The following CACNA1C variants were observed in gnomAD, a reference collection of about 807,000 sequenced individuals.
The protein encoded by CACNA1C is calcium voltage-gated channel subunit alpha1 C.
CACNA1C carries 30 observed loss-of-function variants against 229.0 expected under a neutral mutation model. The ratio of observed to expected loss-of-function variants is 0.13; its 90% CI spans 0.10 to 0.18. The LOEUF is 0.18. Among genes scored for constraint, CACNA1C ranks in the 10% least tolerant of loss-of-function variants. The pLI is 1.00. For synonymous variants in CACNA1C, 1,114 were observed against 1,132.5 expected (o/e 0.98, Z 0.33); for missense variants, 1,658 against 2,845.0 (o/e 0.58, Z 9.49).
At chr12:2,572,344 CCTCCTCCTCCT>C (rs2055269245) in intron 13 of CACNA1C, among the ~76,000 whole-genome samples, 1 of 143,482 alleles carries the variant, frequency 7.0e-6, no homozygotes, top group Non-Finnish European at 1.5e-5. Context: ...TCTTCTTCCT[CCTCCTCCTCCT>C]CTCCTCCTCC....
rs141805933 is a variant in CACNA1C at position 2,420,034 on chromosome 12, G to C, written c.478-28942G>C. ...AGCTTTTCGTAATGGGGTCACTTTG[G>C]CCATGGCCTCACCCCTCTGGATGTC... On this transcript the variant is annotated intron_variant, in intron 3 of 46. Coordinates refer to ENST00000399655, the MANE Select transcript of CACNA1C (RefSeq NM_000719.7). Among the ~76,000 whole-genome samples the C allele has an allele frequency of 2.6e-3, 394 of 151,836 alleles. 2 individuals are homozygous for C. The highest frequency in any genetic ancestry group is 9.1e-3 in the African/African-American group (375 of 41,290).
intron 3 of CACNA1C, among the ~76,000 whole-genome samples, chr12:2,362,601 C>T (rs912666024): frequency 1.3e-5 from 2 of 152,220 alleles, no homozygotes; most frequent in African/African-American, 4.8e-5. Context: ...CATAATCCTC[C>T]TGAAAGCAGA....
At chr12:2,564,898 G>A (rs1041498641) in intron 11 of CACNA1C, among the ~76,000 whole-genome samples, 2 of 152,088 alleles carry the variant, frequency 1.3e-5, no homozygotes, top group African/African-American at 2.4e-5. Context: ...AATCCAACCT[G>A]ATCATGTCCT....
At chr12:2,561,282 G>A (rs1600132291) in intron 11 of CACNA1C, among the ~76,000 whole-genome samples, 1 of 152,272 alleles carries the variant, frequency 6.6e-6, no homozygotes, top group East Asian at 1.9e-4. Context: ...TTTCCTCTGG[G>A]GACCCTTCTC....
rs2097811422 is a variant in CACNA1C, at chr12:2,369,823, T to C, written c.478-79153T>C. On this transcript the variant is annotated intron_variant, in intron 3 of 46. Transcript: ENST00000399655. ...GACTATTTAACTGCCTCCAGAATTA[T>C]GGAAGACTTTATAAACATGAAAGTA... Among the ~76,000 whole-genome samples the C allele has an allele frequency of 3.9e-5, 6 of 152,328 alleles. 1 individual carries two copies. The South Asian group carries it at 1.2e-3, about 32-fold the overall frequency.
intron 3 of CACNA1C, among the ~76,000 whole-genome samples, chr12:2,440,801 G>A (rs1489923929): frequency 3.3e-5 from 5 of 152,192 alleles, no homozygotes; most frequent in African/African-American, 4.8e-5. Context: ...AGTTTGGGAT[G>A]GGTGTCCTGG....
At chr12:2,207,880 T>A (rs2097796781) in intron 3 of CACNA1C, among the ~76,000 whole-genome samples, 1 of 152,192 alleles carries the variant, frequency 6.6e-6, no homozygotes, top group Admixed American at 6.5e-5. Flanking sequence ...ACAGAACATC[T>A]GACTTTCGGG....
chr12:2,333,032 G>A (rs1454705631), intron 3 of CACNA1C, among the ~76,000 whole-genome samples: 5 of 152,118 alleles, frequency 3.3e-5, no homozygotes, highest in African/African-American at 1.2e-4. Context: ...CGGCAGTGAC[G>A]AGCAGCCCCT....
chr12:2,682,757 C>T, intron 43 of CACNA1C, 79 bp downstream of exon 43: 1 of 1,454,816 alleles, frequency 6.9e-7, no homozygotes, highest in Non-Finnish European at 9.3e-7. Flanking sequence ...TCCCTGAGAT[C>T]CCTCCTCTGG....
chr12:2,689,390 G>A lies in CACNA1C; in HGVS notation c.6117+611G>A, dbSNP rs188279833. Among the ~76,000 whole-genome samples, 10 of 152,146 alleles carry A rather than the reference G, an allele frequency of 6.6e-5. No homozygotes were observed. In the East Asian group the frequency reaches 1.9e-3, roughly 29 times the overall value. Reference sequence around the variant, plus strand: ...CCATTTCCTAGGAGAACCGTTTCAGGGAATTCGGGAAGAAAACCTGGAGAG... The same window carrying A: ...CCATTTCCTAGGAGAACCGTTTCAGAGAATTCGGGAAGAAAACCTGGAGAG... On this transcript the variant is annotated intron_variant, in intron 46 of 46. Transcript: ENST00000399655. This position sits in a 1 kb window ranked among gnomAD's most constrained non-coding sequence, Gnocchi z 4.2.
chr12:2,334,212 C>T lies in CACNA1C; in HGVS notation c.478-114764C>T, dbSNP rs556926594. Among the ~76,000 whole-genome samples the T allele has an allele frequency of 5.9e-5, 9 of 152,272 alleles. No homozygotes were observed. In the East Asian group the frequency reaches 1.7e-3, roughly 29 times the overall value. The stretch of plus-strand genomic sequence containing the variant: ...AGAAAGTGGGTGGAAGCCATTTGGC[C>T]ACTCATGATGTCTTATTCTAGAGGA... On this transcript the variant is annotated intron_variant, in intron 3 of 46. Transcript: ENST00000399655.
chr12:2,081,737 G>A (rs993256558), intron 1 of CACNA1C, among the ~76,000 whole-genome samples: 4 of 152,058 alleles, frequency 2.6e-5, no homozygotes, highest in Admixed American at 6.5e-5. Context: ...TTAAGATTTA[G>A]GATGATTGAA....
At chr12:2,080,286 A>ACAAAAAAAC (rs1228770732) in intron 1 of CACNA1C, among the ~76,000 whole-genome samples, 1 of 151,688 alleles carries the variant, frequency 6.6e-6, no homozygotes, top group Non-Finnish European at 1.5e-5. Context: ...AACAAAAAAA[A>ACAAAAAAAC]CAAATAAAAT....
At chr12:2,481,452 A>G (rs368013267) in intron 5 of CACNA1C, among the ~76,000 whole-genome samples, 43 of 152,314 alleles carry the variant, frequency 2.8e-4, no homozygotes, top group South Asian at 1.2e-3. Context: ...CCCAGAGGGA[A>G]TGCGGGCAGC....
At chr12:2,394,427 G>A (rs2098538003) in intron 3 of CACNA1C, among the ~76,000 whole-genome samples, 1 of 152,210 alleles carries the variant, frequency 6.6e-6, no homozygotes, top group African/African-American at 2.4e-5. Flanking sequence ...GAATAAATTT[G>A]AGCCACCTTC....
intron 3 of CACNA1C, among the ~76,000 whole-genome samples, chr12:2,445,592 C>T (rs1421079734): frequency 6.6e-6 from 1 of 152,150 alleles, no homozygotes; most frequent in Non-Finnish European, 1.5e-5. Flanking sequence ...ATCCCCCAAC[C>T]CTTCCATCTC....
intron 1 of CACNA1C, among the ~76,000 whole-genome samples, chr12:2,085,163 A>G (rs958019960): frequency 6.6e-6 from 1 of 152,186 alleles, no homozygotes; most frequent in South Asian, 2.1e-4. Context: ...GCACCTATGA[A>G]TGTGTCAATC....
At chr12:2,142,727 A>G (rs1048244146) in intron 3 of CACNA1C, among the ~76,000 whole-genome samples, 5 of 151,316 alleles carry the variant, frequency 3.3e-5, no homozygotes, top group African/African-American at 4.8e-5. Flanking sequence ...GGCCTAGGCT[A>G]ATGTGGACAT....
intron 15 of CACNA1C, among the ~76,000 whole-genome samples, chr12:2,583,352 TCTC>T (rs886925442): frequency 6.6e-6 from 1 of 152,168 alleles, no homozygotes; most frequent in Non-Finnish European, 1.5e-5. Context: ...GACCTTCAGC[TCTC>T]CTCCTGCTTT....
Sources: gnomAD v4.1 joint callset for allele counts (sites outside exome capture counted in the v4.1 genomes callset) on GRCh38, gnomAD v4.1.1 for gene constraint, Gnocchi (gnomAD v3.1) non-coding constraint, MANE v1.5 for transcripts, NCBI Gene and HGNC (gene_info 2026-07-23, HGNC 2026-07-21) for gene names.